The following ADCK1 variants were observed in gnomAD, a reference collection of about 807,000 sequenced individuals.
ADCK1 encodes the protein aarF domain containing kinase 1.
A neutral mutation model predicts 52.3 loss-of-function variants in ADCK1; 41 were observed. The ratio of observed to expected loss-of-function variants is 0.78; its 90% confidence interval spans 0.61 to 1.02. ADCK1 has a LOEUF of 1.02. ADCK1 is among the 50% of genes least tolerant of loss of function. The pLI, the probability that ADCK1 is intolerant of heterozygous loss-of-function variation, is 0.00. For missense variants in ADCK1, 658 were observed against 679.5 expected (o/e 0.97, Z 0.35); for synonymous variants, 250 against 274.6 (o/e 0.91, Z 0.89).
At chr14:77,914,492 C>T (rs2083870748) in intron 7 of ADCK1, 1 of 985,458 alleles carries the variant, frequency 1.0e-6, no homozygotes, top group South Asian at 4.7e-5. Context: ...CGAGCAGCTA[C>T]CATGTGCAAG....
chr14:77,875,369 T>C (rs1320915329), intron 4 of ADCK1, among the ~76,000 whole-genome samples: 1 of 152,066 alleles, frequency 6.6e-6, no homozygotes, highest in Non-Finnish European at 1.5e-5. Flanking sequence ...CATAGTTGCC[T>C]CCTCTTTCCT....
chr14:77,933,522 C>G lies in ADCK1; in HGVS notation c.*131C>G, dbSNP rs1165592440. 5 of 1,158,118 alleles carry G rather than the reference C, an allele frequency of 4.3e-6. No individual in the cohort carries two copies. In the East Asian group the frequency reaches 1.2e-4, roughly 27 times the overall value. 71.7% of individuals were successfully genotyped at this position (1,158,118 alleles called of 1,614,324 possible). A position where few individuals can be genotyped will look rare whatever the true frequency, so the allele number is the denominator to read the frequency against. ...CAGAGTCACTGTCCATGTCACCATC[C>G]TTCTCCTCCTTTGGAATCCTCTCCG... On this transcript the variant is annotated 3_prime_UTR_variant, in exon 11 of 11. Transcript: ENST00000238561.
chr14:77,863,470 A>G (rs969516486), intron 4 of ADCK1, among the ~76,000 whole-genome samples: 21 of 147,572 alleles, frequency 1.4e-4, no homozygotes, highest in African/African-American at 4.5e-4. Flanking sequence ...ACACACACGC[A>G]CACACACACA....
chr14:77,930,298 C>T (rs531138790), intron 9 of ADCK1, among the ~76,000 whole-genome samples: 1 of 152,130 alleles, frequency 6.6e-6, no homozygotes, highest in African/African-American at 2.4e-5. Context: ...GCAGCGCACA[C>T]GTGCTTCTGA....
At position 77,845,782 on chromosome 14, in the gene ADCK1, A is replaced by G. The variant is rs566722331; in HGVS notation, c.220-13294A>G. ...TAGATTCTTGGTGGACACAGACACA[A>G]AATCATCCCCTGCTCACTCCCTCTG... On this transcript the variant is annotated intron_variant, in intron 3 of 10. Coordinates refer to ENST00000238561, the MANE Select transcript of ADCK1 (RefSeq NM_020421.4). Among the ~76,000 whole-genome samples, 4 of 152,208 alleles carry G rather than the reference A, an allele frequency of 2.6e-5. No homozygotes were observed. The South Asian group carries it at 8.3e-4, about 32-fold the overall frequency.
intron 9 of ADCK1, among the ~76,000 whole-genome samples, chr14:77,927,410 G>A (rs947655606): frequency 1.3e-5 from 2 of 152,210 alleles, no homozygotes; most frequent in Non-Finnish European, 2.9e-5. Flanking sequence ...TGCATGTAAA[G>A]TGCTTACCCA....
intron 4 of ADCK1, among the ~76,000 whole-genome samples, chr14:77,869,520 A>T (rs2082731138): frequency 6.6e-6 from 1 of 152,150 alleles, no homozygotes; most frequent in Non-Finnish European, 1.5e-5. Context: ...TTATTAATAT[A>T]TCTGCAATGA....
At chr14:77,913,587 C>T (rs1037015147) in intron 7 of ADCK1, among the ~76,000 whole-genome samples, 5 of 152,214 alleles carry the variant, frequency 3.3e-5, no homozygotes, top group African/African-American at 4.8e-5. Flanking sequence ...CTCCCCAAGC[C>T]ACAGAACAAC....
intron 5 of ADCK1, among the ~76,000 whole-genome samples, chr14:77,888,222 G>A (rs995619039): frequency 2.6e-5 from 4 of 152,150 alleles, no homozygotes; most frequent in African/African-American, 7.2e-5. Flanking sequence ...AGCCCCGCGG[G>A]TGTGAGGGCC....
intron 9 of ADCK1, among the ~76,000 whole-genome samples, chr14:77,927,421 T>C (rs2084223621): frequency 6.6e-6 from 1 of 152,222 alleles, no homozygotes; most frequent in South Asian, 2.1e-4. Context: ...TGCTTACCCA[T>C]AGTTCCTGAA....
chr14:77,888,303 A>G (rs1408262352), intron 5 of ADCK1, among the ~76,000 whole-genome samples: 1 of 152,080 alleles, frequency 6.6e-6, no homozygotes, highest in East Asian at 1.9e-4. Flanking sequence ...CGAAGTGGAG[A>G]TGAGGCTGGG....
intron 5 of ADCK1, among the ~76,000 whole-genome samples, chr14:77,891,973 A>G (rs1346867351): frequency 6.6e-6 from 1 of 152,202 alleles, no homozygotes; most frequent in Non-Finnish European, 1.5e-5. Context: ...TTTGGCTTGA[A>G]GAGTGATTTC....
intron 3 of ADCK1, among the ~76,000 whole-genome samples, chr14:77,853,607 G>A (rs1465281407): frequency 6.6e-6 from 1 of 152,040 alleles, no homozygotes; most frequent in African/African-American, 2.4e-5. Context: ...GGCCCTTCTG[G>A]GTGTTGCCAC....
Position 77,804,478 on chromosome 14 carries a change from T to G in ADCK1, c.-12+4308T>G, listed in dbSNP as rs2081176277. Among the ~76,000 whole-genome samples, 3 of 152,150 alleles carry G rather than the reference T, an allele frequency of 2.0e-5. No individual in the cohort carries two copies. The South Asian group carries it at 6.2e-4, about 32-fold the overall frequency. Reference sequence around the variant, plus strand: ...TGCACGAAAACAGGGTTTCGAGAGTTGTGTCTGCTTCGCTGTTACTTCCCA... The same window carrying G: ...TGCACGAAAACAGGGTTTCGAGAGTGGTGTCTGCTTCGCTGTTACTTCCCA... On this transcript the variant is annotated intron_variant, in intron 1 of 10. Transcript: ENST00000238561.
In ADCK1 at chr14:77,818,969, A is replaced by G; in HGVS notation, c.-10A>G. 4.3e-6 allele frequency: 7 copies of G among 1,612,842 alleles called. No individual in the cohort carries two copies. Among genetic ancestry groups the G allele is most frequent in the Non-Finnish European group, 5.9e-6 (7 of 1,179,608 alleles). ...TCTCAACTTTCCTTTTTTCTGCAGG[A>G]TCTGGCGACATGGCCAGAAAGGCTC... On this transcript the variant is annotated splice_region_variant and 5_prime_UTR_variant, in exon 2 of 11. Coordinates refer to ENST00000238561, the MANE Select transcript of ADCK1 (RefSeq NM_020421.4).
chr14:77,904,510 G>A lies in ADCK1; in HGVS notation c.742-3293G>A, dbSNP rs567212482. ...CTGTGGGCCTAGGGTGATGGGCACT[G>A]TCTCAGACAAGCCAGGCGCAGCCTG... On this transcript the variant is annotated intron_variant, in intron 6 of 10. Transcript: ENST00000238561. Among the ~76,000 whole-genome samples the A allele has an allele frequency of 3.9e-5, 6 of 152,360 alleles. No homozygotes were observed. The South Asian group carries it at 1.2e-3, about 32-fold the overall frequency.
chr14:77,898,831 T>G (rs1010467951), intron 5 of ADCK1, among the ~76,000 whole-genome samples: 1 of 152,252 alleles, frequency 6.6e-6, no homozygotes, highest in Non-Finnish European at 1.5e-5. Context: ...AAGTGCTTAG[T>G]TAGTGCTGGG....
intron 4 of ADCK1, among the ~76,000 whole-genome samples, chr14:77,884,431 G>A (rs1336973368): frequency 3.3e-5 from 5 of 152,182 alleles, no homozygotes; most frequent in African/African-American, 1.2e-4. Context: ...AGGGGGTGGG[G>A]AAGGGATGGA....
At chr14:77,916,784 G>A (rs1011366752) in intron 7 of ADCK1, among the ~76,000 whole-genome samples, 3 of 152,202 alleles carry the variant, frequency 2.0e-5, no homozygotes, top group Non-Finnish European at 4.4e-5. Context: ...GCACCTTTGC[G>A]CTTACAGACT....
Sources: allele counts gnomAD v4.1 joint callset (sites outside exome capture counted in the v4.1 genomes callset), GRCh38; gene constraint gnomAD v4.1.1; transcripts MANE v1.5; gene names NCBI Gene and HGNC (gene_info 2026-07-23, HGNC 2026-07-21).